IL16: variants seen among roughly 807,000 people sequenced by gnomAD.
IL16 encodes the protein pro-interleukin-16.
A neutral mutation model predicts 110.1 loss-of-function variants in IL16; 67 were observed. That is an observed-to-expected ratio of 0.61 (90% CI 0.50 to 0.75). IL16 has a LOEUF of 0.75. Among genes scored for constraint, IL16 ranks in the 30% least tolerant of loss-of-function variants. The pLI is 0.00. For synonymous variants in IL16, 689 were observed against 662.9 expected, an observed-to-expected ratio of 1.04 and a Z score of -0.61; for missense variants, 1,545 against 1,655.0, an observed-to-expected ratio of 0.93 and a Z score of 1.15.
At chr15:81,287,934 C>T (rs1899522837) in intron 10 of IL16, among the ~76,000 whole-genome samples, 1 of 152,240 alleles carries the variant, frequency 6.6e-6, no homozygotes, top group Non-Finnish European at 1.5e-5. Flanking sequence ...GTCATTTCCT[C>T]CTGCTGCTTT....
At chr15:81,298,434 G>T (rs17875509) in intron 13 of IL16, among the ~76,000 whole-genome samples, 1 of 152,084 alleles carries the variant, frequency 6.6e-6, no homozygotes, top group Non-Finnish European at 1.5e-5. Context: ...TATGATGCTG[G>T]TTCAATGCTG....
At chr15:81,308,048 A>G (rs563075783) in intron 18 of IL16, among the ~76,000 whole-genome samples, 24 of 152,328 alleles carry the variant, frequency 1.6e-4, no homozygotes, top group African/African-American at 4.6e-4. Context: ...ACAGTAAAAT[A>G]GCATTGTTTT....
chr15:81,194,444 TTAAATTTG>T (rs1467740007), upstream of IL16, among the ~76,000 whole-genome samples: 2 of 151,530 alleles, frequency 1.3e-5, no homozygotes, highest in Non-Finnish European at 2.9e-5. Flanking sequence ...TAAATTAAAT[TTAAATTTG>T]TAATTGTAAT....
intron 2 of IL16, among the ~76,000 whole-genome samples, chr15:81,231,772 G>T (rs1896996452): frequency 6.6e-6 from 1 of 152,036 alleles, no homozygotes; most frequent in Admixed American, 6.6e-5. Flanking sequence ...ATAAATTTTT[G>T]TATATGTTGT....
intron 5 of IL16, among the ~76,000 whole-genome samples, chr15:81,272,631 C>T (rs1898692397): frequency 6.6e-6 from 1 of 152,186 alleles, no homozygotes; most frequent in South Asian, 2.1e-4. Context: ...AAAGCTGCTA[C>T]TATTATTACT....
chr15:81,313,512 G>T lies in IL16; in HGVS notation c.*4714G>T. On this transcript the variant is annotated 3_prime_UTR_variant, in exon 19 of 19. Transcript: ENST00000683961. ...CCAGTGGAAATGGCCATGATACAGT[G>T]ATCGCGTCTCATCCCTTGCTGTGCC... 9.1e-7 allele frequency: 1 copy of T among 1,095,722 alleles called. No individual in the cohort carries two copies. Among genetic ancestry groups the T allele is most frequent in the Non-Finnish European group, 1.2e-6 (1 of 804,338 alleles). The allele number at this position is 1,095,722 out of a possible 1,614,324, so 67.9% of individuals were successfully genotyped here.
At chr15:81,277,083 A>C (rs1431582701) in intron 6 of IL16, among the ~76,000 whole-genome samples, 1 of 152,236 alleles carries the variant, frequency 6.6e-6, no homozygotes, top group Non-Finnish European at 1.5e-5. Context: ...TGAGCAAAAA[A>C]AGCAGTCATT....
chr15:81,229,018 T>C (rs975082197), intron 2 of IL16, among the ~76,000 whole-genome samples: 1 of 152,180 alleles, frequency 6.6e-6, no homozygotes, highest in Non-Finnish European at 1.5e-5. Flanking sequence ...CATGTAGTAA[T>C]TGCTTGATAA....
chr15:81,287,916 A>T (rs1899521926), intron 10 of IL16, among the ~76,000 whole-genome samples: 1 of 152,236 alleles, frequency 6.6e-6, no homozygotes, highest in African/African-American at 2.4e-5. Context: ...AGAGGTCCCA[A>T]TTAATTTGTC....
chr15:81,229,012 T>C (rs1446409051), intron 2 of IL16, among the ~76,000 whole-genome samples: 2 of 152,164 alleles, frequency 1.3e-5, no homozygotes, highest in Admixed American at 1.3e-4. Flanking sequence ...ACAATGCATG[T>C]AGTAATTGCT....
At position 81,232,362 on chromosome 15, in the gene IL16, C is replaced by A. The variant is rs184729274; in HGVS notation, c.312+6651C>A. On this transcript the variant is annotated intron_variant, in intron 2 of 18. Coordinates refer to ENST00000683961, the MANE Select transcript of IL16 (RefSeq NM_172217.5). ...CCTTTATTTTACAGGCTAAGGCCTA[C>A]AGTGCAATGTCGAATAGAAGTGGTG... 2.7e-4 allele frequency among the ~76,000 whole-genome samples: 41 copies of A among 152,240 alleles called. 1 individual carries two copies. Among genetic ancestry groups the A allele is most frequent in the Admixed American group, 2.5e-3 (38 of 15,290 alleles).
In IL16 at chr15:81,218,581, G is replaced by A. The variant is rs551113367; in HGVS notation, c.-101-6718G>A. 3.7e-3 allele frequency among the ~76,000 whole-genome samples: 565 copies of A among 152,222 alleles called. 4 individuals carry two copies. Among genetic ancestry groups the A allele is most frequent in the African/African-American group, 0.013 (537 of 41,548 alleles). Reference sequence around the variant, plus strand: ...TTTATTTTCTCATCATAATTGAGACGTGATTGTTGTAAAAAGAAATCAAGT... The same window carrying A: ...TTTATTTTCTCATCATAATTGAGACATGATTGTTGTAAAAAGAAATCAAGT... On this transcript the variant is annotated intron_variant, in intron 1 of 18. Coordinates refer to ENST00000683961, the MANE Select transcript of IL16 (RefSeq NM_172217.5).
At chr15:81,250,374 C>T (rs1897726727) in intron 2 of IL16, among the ~76,000 whole-genome samples, 1 of 152,114 alleles carries the variant, frequency 6.6e-6, no homozygotes, top group Non-Finnish European at 1.5e-5. Flanking sequence ...GATGGGGCTT[C>T]ACCGTGTTGG....
At chr15:81,244,583 G>A (rs1253221754) in intron 2 of IL16, among the ~76,000 whole-genome samples, 1 of 151,928 alleles carries the variant, frequency 6.6e-6, no homozygotes, top group Non-Finnish European at 1.5e-5. Context: ...TATAATTAAT[G>A]TGTTATTTCT....
chr15:81,251,823 GA>G (rs1204064333), intron 2 of IL16, among the ~76,000 whole-genome samples: 1 of 151,564 alleles, frequency 6.6e-6, no homozygotes, highest in African/African-American at 2.4e-5. Flanking sequence ...ACTGTTTCTG[GA>G]AAAAAATAGC....
intron 2 of IL16, among the ~76,000 whole-genome samples, chr15:81,257,632 G>A (rs74030053): frequency 0.077 from 11,682 of 152,150 alleles, 1,561 homozygotes; most frequent in African/African-American, 0.27. Flanking sequence ...TGGAGCTGAG[G>A]GTGGGTTATT....
In IL16 at chr15:81,312,862, A is replaced by G. The variant is rs2141666524; in HGVS notation, c.*4064A>G. 6.5e-6 allele frequency: 1 copy of G among 154,946 alleles called. No individual in the cohort carries two copies. The highest frequency in any genetic ancestry group is 2.4e-5 in the African/African-American group (1 of 41,704). 9.6% of individuals were successfully genotyped at this position (154,946 alleles called of 1,614,324 possible). On this transcript the variant is annotated 3_prime_UTR_variant, in exon 19 of 19. Transcript: ENST00000683961. ...CAACAGGGCCTGGTTTTCAGTGGCG[A>G]TGATGATTCTCTATGACAGTCAGGG...
In IL16 at chr15:81,303,702, G is replaced by T. The variant is rs751837606; in HGVS notation, c.3420+52G>T. On this transcript the variant is annotated intron_variant, in intron 16 of 18. Coordinates refer to ENST00000683961, the MANE Select transcript of IL16 (RefSeq NM_172217.5). This position sits in a 1 kb window ranked among gnomAD's most constrained non-coding sequence, Gnocchi z 4.1. Reference sequence around the variant, plus strand: ...CACAGCCAGAGGCAATGGTTCTGGGGGAGGGGGACACACTTGCCAGGAAGG... The same window carrying T: ...CACAGCCAGAGGCAATGGTTCTGGGTGAGGGGGACACACTTGCCAGGAAGG... 1.6e-6 allele frequency: 2 copies of T among 1,219,170 alleles called. No individual in the cohort carries two copies. The highest frequency in any genetic ancestry group is 2.4e-6 in the Non-Finnish European group (2 of 821,758). 75.5% of individuals were successfully genotyped at this position (1,219,170 alleles called of 1,614,324 possible). A position where few individuals can be genotyped will look rare whatever the true frequency, so the allele number is the denominator to read the frequency against.
intron 2 of IL16, among the ~76,000 whole-genome samples, chr15:81,236,043 C>T (rs1245408405): frequency 1.3e-5 from 2 of 152,174 alleles, no homozygotes; most frequent in African/African-American, 4.8e-5. Context: ...TGAGAATGAC[C>T]TCCATAGAGT....
Sources: gnomAD v4.1 joint callset for allele counts (sites outside exome capture counted in the v4.1 genomes callset) on GRCh38, gnomAD v4.1.1 for gene constraint, Gnocchi (gnomAD v3.1) non-coding constraint, MANE v1.5 for transcripts, NCBI Gene and HGNC (gene_info 2026-07-23, HGNC 2026-07-21) for gene names.